IGSF11: variants seen among roughly 807,000 people sequenced by gnomAD.
IGSF11 encodes the protein CXADR like 1.
IGSF11 carries 22 observed loss-of-function variants against 41.0 expected under a neutral mutation model. The observed-to-expected ratio is 0.54, with a 90% CI of 0.38 to 0.77. IGSF11 has a LOEUF of 0.77. Among genes scored for constraint, IGSF11 ranks in the 30% least tolerant of loss-of-function variants. The pLI is 0.00. For missense variants in IGSF11, 444 were observed against 530.8 expected (o/e 0.84, Z 1.61); for synonymous variants, 219 against 201.3 (o/e 1.09, Z -0.74).
rs142227559 is a variant in IGSF11, at chr3:118,982,873, A to G, written c.52+51658T>C. On this transcript the variant is annotated intron_variant, in intron 1 of 6. Coordinates refer to ENST00000393775, the MANE Select transcript of IGSF11 (RefSeq NM_001015887.3). ...TACACAAAGTTTATTTCTTGCCCAT[A>G]CAATGTCCTATATGCATTCAGAAGC... Among the ~76,000 whole-genome samples, 395 of 152,324 alleles carry G rather than the reference A, an allele frequency of 2.6e-3. 2 individuals are homozygous for G. Among genetic ancestry groups the G allele is most frequent in the African/African-American group, 9.2e-3 (383 of 41,570 alleles).
chr3:118,961,892 C>T (rs1048844229), intron 1 of IGSF11, among the ~76,000 whole-genome samples: 1 of 152,218 alleles, frequency 6.6e-6, no homozygotes, highest in Non-Finnish European at 1.5e-5. Flanking sequence ...GCAATAGCTA[C>T]GTAATATATG....
chr3:119,088,433 G>A (rs1314526349), intron 1 of IGSF11, among the ~76,000 whole-genome samples: 2 of 152,082 alleles, frequency 1.3e-5, no homozygotes, highest in Non-Finnish European at 2.9e-5. Context: ...GTAATGTTAA[G>A]AGGAAAGTTT....
At chr3:119,033,542 G>A (rs1295310073) in intron 1 of IGSF11, among the ~76,000 whole-genome samples, 1 of 152,140 alleles carries the variant, frequency 6.6e-6, no homozygotes, top group African/African-American at 2.4e-5. Context: ...CAATGAATCT[G>A]CACAAGTTAA....
intron 1 of IGSF11, among the ~76,000 whole-genome samples, chr3:119,121,997 G>A (rs2077339752): frequency 6.6e-6 from 1 of 152,226 alleles, no homozygotes; most frequent in South Asian, 2.1e-4. Flanking sequence ...GGTGAAGCAA[G>A]ATGGTGGAGT....
intron 1 of IGSF11, among the ~76,000 whole-genome samples, chr3:119,143,128 C>T (rs2077671831): frequency 1.3e-5 from 2 of 152,092 alleles, no homozygotes; most frequent in South Asian, 4.1e-4. Flanking sequence ...GATATAGTAA[C>T]TTGAAGCCAT....
chr3:119,073,935 C>T (rs778416522), intron 1 of IGSF11, among the ~76,000 whole-genome samples: 58 of 152,326 alleles, frequency 3.8e-4, no homozygotes, highest in Non-Finnish European at 6.8e-4. Context: ...GCGAGGGACG[C>T]GAGGGCTGCC....
intron 1 of IGSF11, among the ~76,000 whole-genome samples, chr3:119,046,388 G>A (rs1162900632): frequency 2.0e-5 from 3 of 151,994 alleles, no homozygotes; most frequent in Non-Finnish European, 4.4e-5. Context: ...GGAAGAAAGG[G>A]TATCAGCAAT....
intron 3 of IGSF11, 102 bp from the exon 4 acceptor site, chr3:118,926,358 T>C (rs1210091633): frequency 2.1e-6 from 2 of 949,520 alleles, no homozygotes; most frequent in African/African-American, 1.7e-5. Flanking sequence ...TAGATTACAC[T>C]GTTTTGGGAA....
At chr3:119,099,161 A>G (rs2076903139) in intron 1 of IGSF11, among the ~76,000 whole-genome samples, 1 of 152,234 alleles carries the variant, frequency 6.6e-6, no homozygotes, top group African/African-American at 2.4e-5. Flanking sequence ...TATTACTTCA[A>G]TGTTTGCGGA....
intron 1 of IGSF11, among the ~76,000 whole-genome samples, chr3:119,123,774 A>G (rs769820888): frequency 6.6e-6 from 1 of 152,230 alleles, no homozygotes; most frequent in Non-Finnish European, 1.5e-5. Flanking sequence ...TAGCACCTCG[A>G]TGACTCTACA....
intron 1 of IGSF11, among the ~76,000 whole-genome samples, chr3:119,117,072 C>T (rs774868442): frequency 6.6e-6 from 1 of 152,020 alleles, no homozygotes; most frequent in African/African-American, 2.4e-5. Flanking sequence ...TCGCACATAA[C>T]ATGTCCAGCT....
intron 1 of IGSF11, among the ~76,000 whole-genome samples, chr3:119,059,677 C>CT (rs1202480567): frequency 6.6e-6 from 1 of 151,806 alleles, no homozygotes; most frequent in Non-Finnish European, 1.5e-5. Flanking sequence ...AACTGCCAAG[C>CT]TTTTTTTTCC....
intron 1 of IGSF11, among the ~76,000 whole-genome samples, chr3:119,114,858 A>G (rs968288771): frequency 4.6e-5 from 7 of 152,194 alleles, no homozygotes; most frequent in African/African-American, 1.7e-4. Context: ...GAGAGGTTTA[A>G]TTGCCTCACA....
At chr3:118,919,088 C>G (rs1431848796) in intron 4 of IGSF11, among the ~76,000 whole-genome samples, 1 of 138,850 alleles carries the variant, frequency 7.2e-6, no homozygotes, top group Non-Finnish European at 1.5e-5. Context: ...CCCTTCCTTA[C>G]ACCTTATAGA....
chr3:118,930,185 G>A lies in IGSF11; in HGVS notation c.143C>T (p.Thr48Ile), dbSNP rs377583674. The A allele has an allele frequency of 1.1e-5, 17 of 1,613,938 alleles. No individual in the cohort carries two copies. Among genetic ancestry groups the A allele is most frequent in the African/African-American group, 2.7e-5 (2 of 74,914 alleles). ...ATTGAGGTTAATGAGGGCAGCGCTG[G>A]TAGTGAAAGTGCAGGGCAGGACTGC... Reference protein sequence around the residue: ...QPAVLPCTFTTSAALINLNVI... With the variant: ...QPAVLPCTFTISAALINLNVI... Residue 48 changes from threonine to isoleucine, a missense_variant, in exon 2 of 7, where the codon ACC becomes ATC. Around this residue, in one of 3 missense-constraint regions of IGSF11, gnomAD observed 193 missense variants for 283.5 expected, o/e 0.68. Coordinates refer to ENST00000393775, the MANE Select transcript of IGSF11 (RefSeq NM_001015887.3).
intron 4 of IGSF11, among the ~76,000 whole-genome samples, chr3:118,925,566 C>G (rs574248935): frequency 1.3e-5 from 2 of 152,116 alleles, no homozygotes; most frequent in Non-Finnish European, 1.5e-5. Context: ...TGGGTTTACA[C>G]GTAGAAATCA....
intron 1 of IGSF11, among the ~76,000 whole-genome samples, chr3:119,098,526 C>A (rs2076891891): frequency 6.6e-6 from 1 of 152,060 alleles, no homozygotes. Flanking sequence ...AGCATAGTGC[C>A]TAGCACAATA....
upstream of IGSF11, among the ~76,000 whole-genome samples, chr3:119,108,960 GC>G (rs1312306406): frequency 1.6e-5 from 2 of 125,512 alleles, no homozygotes; most frequent in African/African-American, 2.9e-5. Flanking sequence ...TGGTGGATAA[GC>G]TTTTTGATGT....
Position 119,034,751 on chromosome 3 carries a change from G to A in IGSF11, c.-169C>T, listed in dbSNP as rs1469204192. On this transcript the variant is annotated 5_prime_UTR_variant, in exon 1 of 7. Coordinates refer to ENST00000393775, the MANE Select transcript of IGSF11 (RefSeq NM_001015887.3). Reference sequence around the variant, plus strand: ...ACTGTCAGACCCACAGACGAGCCAAGTGCAGCTGCAGCGCCGCCCGGCTCC... The same window carrying A: ...ACTGTCAGACCCACAGACGAGCCAAATGCAGCTGCAGCGCCGCCCGGCTCC... 1 of 1,324,136 alleles carries A rather than the reference G, an allele frequency of 7.6e-7. No homozygotes were observed. Among genetic ancestry groups the A allele is most frequent in the East Asian group, 3.1e-5 (1 of 32,604 alleles). The allele number at this position is 1,324,136 out of a possible 1,614,324, so 82.0% of individuals were successfully genotyped here.
Sources: allele counts gnomAD v4.1 joint callset (sites outside exome capture counted in the v4.1 genomes callset), GRCh38; gene constraint gnomAD v4.1.1; regional missense constraint gnomAD v4.1.1; transcripts MANE v1.5; gene names NCBI Gene and HGNC (gene_info 2026-07-23, HGNC 2026-07-21).